The following PAXIP1 variants were observed in gnomAD, a reference collection of about 807,000 sequenced individuals.
PAXIP1 encodes the protein PAX-interacting protein 1.
In PAXIP1, 19 loss-of-function variants were observed where a neutral mutation model predicts 140.6. The ratio of observed to expected loss-of-function variants is 0.14; its 90% CI spans 0.09 to 0.20. The LOEUF (loss-of-function observed/expected upper bound fraction) is 0.20, where lower values mean the gene tolerates loss of function less well. Ranked by LOEUF, PAXIP1 falls within the 10% of genes least tolerant of loss-of-function variation. The pLI, the probability that PAXIP1 is intolerant of heterozygous loss-of-function variation, is 1.00. For missense variants in PAXIP1, 920 were observed against 1,208.6 expected (o/e 0.76, Z 3.54); for synonymous variants, 442 against 444.6 (o/e 0.99, Z 0.07).
In PAXIP1 at chr7:155,002,996, GCGGCGCC is replaced by G. The variant is rs1186571357; in HGVS notation, c.-74_-68del. 6 of 501,880 alleles carry G rather than the reference GCGGCGCC, an allele frequency of 1.2e-5. No individual in the cohort carries two copies. The highest frequency in any genetic ancestry group is 9.5e-5 in the South Asian group (1 of 10,562). 31.1% of individuals were successfully genotyped at this position (501,880 alleles called of 1,614,324 possible). A position where few individuals can be genotyped will look rare whatever the true frequency, so the allele number is the denominator to read the frequency against. The stretch of plus-strand genomic sequence containing the variant: ...CGCCCACCCCCCGCCCCCGGCCCCC[GCGGCGCC>G]CGGCGCCCCCACTCGCCCCGCCAAC... On this transcript the variant is annotated 5_prime_UTR_variant, in exon 1 of 21. Coordinates refer to ENST00000404141, the MANE Select transcript of PAXIP1 (RefSeq NM_007349.4).
intron 12 of PAXIP1, among the ~76,000 whole-genome samples, 195 bp from the exon 13 acceptor site, chr7:154,960,128 C>T (rs985411863): frequency 6.6e-6 from 1 of 152,186 alleles, no homozygotes; most frequent in African/African-American, 2.4e-5. Flanking sequence ...CTGCTGCTTT[C>T]GTTTCACATG....
chr7:154,989,891 G>A (rs1334276465), intron 4 of PAXIP1, among the ~76,000 whole-genome samples: 2 of 152,162 alleles, frequency 1.3e-5, no homozygotes, highest in Non-Finnish European at 2.9e-5. Flanking sequence ...TACTGTGTAA[G>A]TATATACAAT....
At chr7:154,994,163 TA>T (rs1036722941) in intron 2 of PAXIP1, among the ~76,000 whole-genome samples, 1 of 152,180 alleles carries the variant, frequency 6.6e-6, no homozygotes, top group Non-Finnish European at 1.5e-5. Flanking sequence ...CAGTCAAGTC[TA>T]AATTCATGAG....
chr7:154,985,744 A>G (rs1810039766), intron 4 of PAXIP1, among the ~76,000 whole-genome samples: 2 of 152,128 alleles, frequency 1.3e-5, no homozygotes, highest in South Asian at 2.1e-4. Flanking sequence ...ACCACCCCCA[A>G]TAAGACACTC....
Position 154,990,998 on chromosome 7 carries a change from A to G in PAXIP1, c.324+8T>C. 6.5e-7 allele frequency: 1 copy of G among 1,530,866 alleles called. No individual in the cohort carries two copies. Among genetic ancestry groups the G allele is most frequent in the Non-Finnish European group, 8.9e-7 (1 of 1,129,298 alleles). 94.8% of individuals were successfully genotyped at this position (1,530,866 alleles called of 1,614,324 possible). A position where few individuals can be genotyped will look rare whatever the true frequency, so the allele number is the denominator to read the frequency against. ...AAATAACTCAAGACTAACTGTAACC[A>G]TGCTTACCTGAGAAAGGCAGGCAGT... is the stretch of plus-strand genomic sequence containing the variant. On this transcript the variant is annotated splice_region_variant and intron_variant, in intron 4 of 20. Transcript: ENST00000404141.
Position 155,002,841 on chromosome 7 carries a change from C to A in PAXIP1, c.81+8G>T, listed in dbSNP as rs772182462. On this transcript the variant is annotated splice_region_variant and intron_variant, in intron 1 of 20. Transcript: ENST00000404141. ...GGGAGGAGGCCGCGGCAGGGGCGGG[C>A]GCGGTACCTGCGGGTCGATGTCGCC... 1.1e-5 allele frequency: 15 copies of A among 1,360,274 alleles called. 1 individual carries two copies. The highest frequency in any genetic ancestry group is 2.6e-4 in the Middle Eastern group (1 of 3,892). 84.3% of individuals were successfully genotyped at this position (1,360,274 alleles called of 1,614,324 possible). A position where few individuals can be genotyped will look rare whatever the true frequency, so the allele number is the denominator to read the frequency against.
chr7:154,983,279 T>A lies in PAXIP1; in HGVS notation c.378A>T (p.Gly126=). ...TCTTATTGAGGGTTAGCTGGCAATC[T>A]CCCCCATAGAACGTAACCAAAGCCC... ...ALWALVTFYG[G]DCQLTLNKKC... is the part of the protein sequence containing the mutation. The change falls in exon 5 of 21, where the codon GGA becomes GGT. Residue 126 remains glycine (G), a synonymous_variant. Coordinates refer to ENST00000404141, the MANE Select transcript of PAXIP1 (RefSeq NM_007349.4). The A allele has an allele frequency of 6.2e-7, 1 of 1,612,682 alleles. No homozygotes were observed. The highest frequency in any genetic ancestry group is 1.3e-5 in the African/African-American group (1 of 74,984).
intron 20 of PAXIP1, chr7:154,945,723 C>T: frequency 1.0e-6 from 1 of 985,372 alleles, no homozygotes; most frequent in Non-Finnish European, 1.2e-6. Flanking sequence ...CAGAATTTTC[C>T]CATAAGGACC....
chr7:154,965,326 T>G (rs1431402275), intron 8 of PAXIP1: 2 of 152,302 alleles, frequency 1.3e-5, no homozygotes, highest in Non-Finnish European at 2.9e-5. Flanking sequence ...AGGAGATAGC[T>G]GAGCCACAAC....
chr7:154,954,273 T>C lies in PAXIP1; in HGVS notation c.2803A>G (p.Arg935Gly). 3 of 1,565,182 alleles carry C rather than the reference T, an allele frequency of 1.9e-6. No homozygotes were observed. Among genetic ancestry groups the C allele is most frequent in the Non-Finnish European group, 2.6e-6 (3 of 1,144,602 alleles). Residue 935 changes from arginine (R) to glycine (G), a missense_variant, in exon 16 of 21, where the codon AGG (arginine) becomes GGG (glycine). By Grantham distance (125) the Arg-to-Gly change is moderately radical (BLOSUM62 -2). Around this residue, in one of 5 missense-constraint regions of PAXIP1, gnomAD observed 303 missense variants for 517.9 expected, o/e 0.59. Transcript: ENST00000404141. This position sits in a 1 kb window ranked among gnomAD's most constrained non-coding sequence, Gnocchi z 5.1. ...TCCTTACCAATGAACTTCTGACACC[T>C]GAAGCATTCTTCCAGCCACTCTGGC... is the stretch of plus-strand genomic sequence containing the variant. ...VTPEWLEECF[R>G]CQKFIDEQNY...
intron 13 of PAXIP1, among the ~76,000 whole-genome samples, chr7:154,958,599 T>A (rs892369808): frequency 6.6e-5 from 10 of 152,242 alleles, no homozygotes; most frequent in African/African-American, 2.4e-4. Flanking sequence ...TTCTCAACTC[T>A]ATTTCCAAAG....
In PAXIP1 at chr7:154,946,683, T is replaced by C. The variant is rs772893135; in HGVS notation, c.3053A>G (p.Asn1018Ser). ...GGCGGACTCCACTCTACCCACCGAG[T>C]TCTGCTTGTGCTCCATGAGCTTCCG... ...SFRKLMEHKQ[N>S]SSLSEIILIS... Residue 1018 changes from asparagine (N) to serine (S), a missense_variant, in exon 18 of 21, where the codon AAC becomes AGC. Physicochemically the swap from Asn to Ser is conservative, Grantham distance 46 (BLOSUM62 1). Transcript: ENST00000404141. This position sits in a 1 kb window ranked among gnomAD's most constrained non-coding sequence, Gnocchi z 4.9. 70 of 1,613,614 alleles carry C rather than the reference T, an allele frequency of 4.3e-5. No individual in the cohort carries two copies. The highest frequency in any genetic ancestry group is 5.8e-5 in the Non-Finnish European group (69 of 1,179,882).
intron 4 of PAXIP1, among the ~76,000 whole-genome samples, chr7:154,988,239 C>G (rs1810163643): frequency 6.6e-6 from 1 of 152,084 alleles, no homozygotes; most frequent in Admixed American, 6.5e-5. Context: ...ATGCAGAATG[C>G]CCTCCTCCCT....
Position 155,002,830 on chromosome 7 carries a change from G to A in PAXIP1, c.81+19C>T. ...GACGCGGACGGGGGAGGAGGCCGCG[G>A]CAGGGGCGGGCGCGGTACCTGCGGG... On this transcript the variant is annotated intron_variant, in intron 1 of 20. Coordinates refer to ENST00000404141, the MANE Select transcript of PAXIP1 (RefSeq NM_007349.4). The A allele has an allele frequency of 1.5e-6, 2 of 1,303,750 alleles. No individual in the cohort carries two copies. The highest frequency in any genetic ancestry group is 2.3e-4 in the Middle Eastern group (1 of 4,404). 80.8% of individuals were successfully genotyped at this position (1,303,750 alleles called of 1,614,324 possible).
Position 154,944,015 on chromosome 7 carries a change from C to T in PAXIP1, c.*134G>A, listed in dbSNP as rs973349143. Reference sequence around the variant, plus strand: ...GCAGTATATTTATTATATCTGTCTTCCTGCTTCACAGTCTGATCCCCCAGG... The same window carrying T: ...GCAGTATATTTATTATATCTGTCTTTCTGCTTCACAGTCTGATCCCCCAGG... On this transcript the variant is annotated 3_prime_UTR_variant, in exon 21 of 21. Coordinates refer to ENST00000404141, the MANE Select transcript of PAXIP1 (RefSeq NM_007349.4). 1.0e-5 allele frequency: 8 copies of T among 777,830 alleles called. No homozygotes were observed. Among genetic ancestry groups the T allele is most frequent in the Non-Finnish European group, 1.6e-5 (7 of 440,476 alleles). The allele number at this position is 777,830 out of a possible 1,614,324, so 48.2% of individuals were successfully genotyped here.
Position 154,973,136 on chromosome 7 carries a change from A to T in PAXIP1, c.1074+2560T>A, listed in dbSNP as rs902322948. On this transcript the variant is annotated intron_variant, in intron 6 of 20. Coordinates refer to ENST00000404141, the MANE Select transcript of PAXIP1 (RefSeq NM_007349.4). The surrounding 1 kb of genome is among the most constrained non-coding windows in gnomAD (Gnocchi z 4.0). ...GACCCCAGCGCTCTCATGGGCACCC[A>T]CCTGGACAATCCCTGGCCTTGCAGC... Among the ~76,000 whole-genome samples, 12 of 152,100 alleles carry T rather than the reference A, an allele frequency of 7.9e-5. No homozygotes were observed. The highest frequency in any genetic ancestry group is 3.9e-4 in the Admixed American group (6 of 15,276).
At position 154,975,983 on chromosome 7, in the gene PAXIP1, T is replaced by C. The variant is rs1395479185; in HGVS notation, c.787A>G (p.Asn263Asp). The C allele has an allele frequency of 6.2e-7, 1 of 1,613,738 alleles. No homozygotes were observed. Among genetic ancestry groups the C allele is most frequent in the South Asian group, 1.1e-5 (1 of 91,036 alleles). The change falls in exon 6 of 21, where the codon AAT becomes GAT. Residue 263 changes from asparagine to aspartate, a missense_variant. Asn to Asp is a conservative substitution (Grantham distance 23). Around this residue, in one of 5 missense-constraint regions of PAXIP1, gnomAD observed 419 missense variants for 514.7 expected, o/e 0.81. Coordinates refer to ENST00000404141, the MANE Select transcript of PAXIP1 (RefSeq NM_007349.4). ...SDSSPEKQER[N>D]LNWTPAEVPQ... The stretch of plus-strand genomic sequence containing the variant: ...ACTTCGGCCGGGGTCCAGTTTAAAT[T>C]TCTCTCCTGTTTTTCCGGTGATGAA...
chr7:154,965,284 G>C (rs1046768859), intron 8 of PAXIP1: 5 of 152,338 alleles, frequency 3.3e-5, no homozygotes, highest in African/African-American at 9.6e-5. Flanking sequence ...AGGGGCTCCT[G>C]CAGCCTCCGC....
In PAXIP1 at chr7:154,983,013, G is replaced by A. The variant is rs559051237; in HGVS notation, c.438+206C>T. On this transcript the variant is annotated intron_variant, in intron 5 of 20. Coordinates refer to ENST00000404141, the MANE Select transcript of PAXIP1 (RefSeq NM_007349.4). The stretch of plus-strand genomic sequence containing the variant: ...GCATAAAATGAAGCAAAATTTCATA[G>A]TATTTAGAAGTTATATTTGGCTTAC... Among the ~76,000 whole-genome samples the A allele has an allele frequency of 2.6e-5, 4 of 152,190 alleles. No homozygotes were observed. The South Asian group carries it at 8.3e-4, about 32-fold the overall frequency.
Sources: gnomAD v4.1 joint callset for allele counts (sites outside exome capture counted in the v4.1 genomes callset) on GRCh38, gnomAD v4.1.1 for gene constraint, gnomAD v4.1.1 regional missense constraint, Gnocchi (gnomAD v3.1) non-coding constraint, MANE v1.5 for transcripts, NCBI Gene and HGNC (gene_info 2026-07-23, HGNC 2026-07-21) for gene names.